ANKS1B: variants seen among roughly 807,000 people sequenced by gnomAD.
ANKS1B encodes ankyrin repeat and sterile alpha motif domain-containing protein 1B.
Under a neutral mutation model 148.3 loss-of-function variants are expected in ANKS1B, and 36 were observed. The observed-to-expected ratio is 0.24, with a 90% confidence interval of 0.19 to 0.32. The LOEUF (loss-of-function observed/expected upper bound fraction) is 0.32. Among genes scored for constraint, ANKS1B ranks in the 10% least tolerant of loss-of-function variants. The probability of loss-of-function intolerance (pLI) is 1.00; values close to 1 mark genes in which losing one functional copy is unlikely to be tolerated. For synonymous variants in ANKS1B, 542 were observed against 560.8 expected, an observed-to-expected ratio of 0.97 and a Z score of 0.47; for missense variants, 1,157 against 1,542.6, an observed-to-expected ratio of 0.75 and a Z score of 4.19.
intron 12 of ANKS1B, among the ~76,000 whole-genome samples, chr12:99,385,680 C>T (rs2093830760): frequency 6.6e-6 from 1 of 151,950 alleles, no homozygotes; most frequent in Non-Finnish European, 1.5e-5. Context: ...GTAATGTTCC[C>T]CTGTTCTAGA....
At chr12:99,143,757 A>T (rs559802093) in intron 15 of ANKS1B, among the ~76,000 whole-genome samples, 1 of 152,150 alleles carries the variant, frequency 6.6e-6, no homozygotes, top group Admixed American at 6.6e-5. Flanking sequence ...TAGACTGCTT[A>T]ATATCTGTAT....
Position 99,932,449 on chromosome 12 carries a change from T to C in ANKS1B, c.134+51655A>G, listed in dbSNP as rs12318992. 4.8e-3 allele frequency among the ~76,000 whole-genome samples: 731 copies of C among 152,306 alleles called. 10 individuals carry two copies. Among genetic ancestry groups the C allele is most frequent in the African/African-American group, 0.017 (687 of 41,582 alleles). ...TCTACAGCATTCATTATTGCCTGTCTTTTGGAGGTAAGCCATTGTAACTGG... is the reference window on the plus strand; with the variant it reads ...TCTACAGCATTCATTATTGCCTGTCCTTTGGAGGTAAGCCATTGTAACTGG... On this transcript the variant is annotated intron_variant, in intron 1 of 26. Coordinates refer to ENST00000683438, the MANE Select transcript of ANKS1B (RefSeq NM_001352186.2).
At chr12:99,492,546 C>T (rs538579094) in intron 10 of ANKS1B, among the ~76,000 whole-genome samples, 1 of 152,272 alleles carries the variant, frequency 6.6e-6, no homozygotes, top group African/African-American at 2.4e-5. Flanking sequence ...CGACCTCATC[C>T]TATGAGGCCA....
chr12:98,800,640 G>A (rs1004713348), intron 21 of ANKS1B, among the ~76,000 whole-genome samples: 6 of 132,738 alleles, frequency 4.5e-5, no homozygotes, highest in Admixed American at 7.6e-5. Context: ...GGCAGACCCA[G>A]TGTTTTGAGA....
intron 15 of ANKS1B, among the ~76,000 whole-genome samples, chr12:99,125,779 T>G (rs1286471153): frequency 2.0e-5 from 3 of 152,052 alleles, no homozygotes; most frequent in African/African-American, 7.2e-5. Context: ...TCCTAACAGG[T>G]AGCGTGGGTG....
At chr12:99,635,970 T>A (rs2098231143) in intron 9 of ANKS1B, among the ~76,000 whole-genome samples, 1 of 152,068 alleles carries the variant, frequency 6.6e-6, no homozygotes, top group African/African-American at 2.4e-5. Context: ...ATTGTGGGGC[T>A]GGTCAAGGTC....
chr12:99,335,374 T>G (rs1197939901), intron 12 of ANKS1B, among the ~76,000 whole-genome samples: 1 of 152,014 alleles, frequency 6.6e-6, no homozygotes, highest in Non-Finnish European at 1.5e-5. Context: ...TTATATTGTT[T>G]TAGTTACTTT....
chr12:99,108,026 A>C (rs989542889), intron 15 of ANKS1B, among the ~76,000 whole-genome samples: 5 of 152,362 alleles, frequency 3.3e-5, no homozygotes, highest in Admixed American at 1.3e-4. Flanking sequence ...GAACATAAAG[A>C]ATAAAGAATA....
intron 1 of ANKS1B, among the ~76,000 whole-genome samples, chr12:99,928,873 T>C (rs144887127): frequency 2.2e-3 from 339 of 152,166 alleles, no homozygotes; most frequent in African/African-American, 7.7e-3. Context: ...AATCCTAGAA[T>C]AGGTAAGAGA....
chr12:99,847,067 A>C (rs900568892), intron 1 of ANKS1B, among the ~76,000 whole-genome samples: 16 of 150,764 alleles, frequency 1.1e-4, no homozygotes, highest in South Asian at 6.3e-4. Context: ...ACTGAAGGAC[A>C]GTGGCAGGGC....
At position 99,585,927 on chromosome 12, in the gene ANKS1B, G is replaced by A. The variant is rs551558795; in HGVS notation, c.1272+69140C>T. ...CTCCTGTCTCTGGGCCTGGATGAGG[G>A]GGGCTGCCACAGAGGTCTCTGACAT... On this transcript the variant is annotated intron_variant, in intron 9 of 26. Transcript: ENST00000683438. 7.9e-5 allele frequency among the ~76,000 whole-genome samples: 12 copies of A among 152,250 alleles called. No individual in the cohort carries two copies. The South Asian group carries it at 2.1e-3, about 26-fold the overall frequency.
intron 22 of ANKS1B, among the ~76,000 whole-genome samples, chr12:98,790,146 C>A (rs187074047): frequency 3.9e-4 from 60 of 152,162 alleles, no homozygotes; most frequent in African/African-American, 7.9e-4. Flanking sequence ...AAAAAACACA[C>A]TGTTTGAATC....
At chr12:99,611,584 C>T (rs190015733) in intron 9 of ANKS1B, among the ~76,000 whole-genome samples, 198 of 152,188 alleles carry the variant, frequency 1.3e-3, no homozygotes, top group African/African-American at 4.2e-3. Context: ...GGCTTCGGGG[C>T]GTTTCAGCCA....
intron 9 of ANKS1B, among the ~76,000 whole-genome samples, chr12:99,614,618 G>A (rs1355818764): frequency 1.3e-5 from 2 of 151,622 alleles, no homozygotes; most frequent in Admixed American, 1.3e-4. Context: ...TCACATGACT[G>A]TTCCTATACA....
intron 1 of ANKS1B, among the ~76,000 whole-genome samples, chr12:99,872,268 C>A (rs982024223): frequency 2.0e-5 from 3 of 151,932 alleles, no homozygotes; most frequent in African/African-American, 7.2e-5. Flanking sequence ...GTGTGTATAC[C>A]AGTTAGAAAG....
At chr12:99,035,398 G>C (rs1031791229) in intron 17 of ANKS1B, among the ~76,000 whole-genome samples, 1 of 152,156 alleles carries the variant, frequency 6.6e-6, no homozygotes, top group Admixed American at 6.5e-5. Context: ...GAAGAATCTA[G>C]ACAGACAGGC....
intron 16 of ANKS1B, among the ~76,000 whole-genome samples, chr12:99,060,749 C>T (rs529729392): frequency 1.4e-5 from 2 of 146,404 alleles, no homozygotes; most frequent in South Asian, 4.4e-4. Context: ...TTTCTCTTTG[C>T]CTGAAGCCAG....
At chr12:98,916,408 G>A (rs2099794493) in intron 17 of ANKS1B, among the ~76,000 whole-genome samples, 1 of 152,218 alleles carries the variant, frequency 6.6e-6, no homozygotes, top group Non-Finnish European at 1.5e-5. Flanking sequence ...GGTGGTGGAG[G>A]CGGCAGTCTA....
chr12:99,716,057 C>T (rs1486276538), intron 8 of ANKS1B, among the ~76,000 whole-genome samples: 2 of 152,088 alleles, frequency 1.3e-5, no homozygotes, highest in African/African-American at 2.4e-5. Flanking sequence ...CAGCAAGTCC[C>T]GCTTTTCTGG....
Sources: allele counts gnomAD v4.1 joint callset (sites outside exome capture counted in the v4.1 genomes callset), GRCh38; gene constraint gnomAD v4.1.1; transcripts MANE v1.5; gene names NCBI Gene and HGNC (gene_info 2026-07-23, HGNC 2026-07-21).